Variants in SH2D2A observed in about 807,000 individuals in gnomAD.
The protein encoded by SH2D2A is SH2 domain containing 2A.
SH2D2A carries 33 observed loss-of-function variants against 43.6 expected under a neutral mutation model. The ratio of observed to expected loss-of-function variants is 0.76; its 90% CI spans 0.57 to 1.01. SH2D2A has a LOEUF of 1.01. Among genes scored for constraint, SH2D2A ranks in the 50% least tolerant of loss-of-function variants. The pLI is 0.00. For missense variants in SH2D2A, 491 were observed against 503.1 expected (o/e 0.98, Z 0.23); for synonymous variants, 212 against 206.1 (o/e 1.03, Z -0.25).
chr1:156,809,872 G>A lies in SH2D2A; in HGVS notation c.568-65C>T. The A allele has an allele frequency of 3.2e-6, 5 of 1,579,788 alleles. No homozygotes were observed. Among genetic ancestry groups the A allele is most frequent in the Admixed American group, 1.8e-5 (1 of 54,954 alleles). ...GTTGGGGTGGGGGAGGTGATCAGGA[G>A]GACAAAATAATCCAGTCTAAGTGGA... is the stretch of plus-strand genomic sequence containing the variant. On this transcript the variant is annotated intron_variant, in intron 5 of 8. Coordinates refer to ENST00000368199, the MANE Select transcript of SH2D2A (RefSeq NM_003975.4). This position sits in a 1 kb window ranked among gnomAD's most constrained non-coding sequence, Gnocchi z 4.8.
intron 5 of SH2D2A, 47 bp downstream of exon 5, chr1:156,813,801 G>T (rs766250951): frequency 7.4e-7 from 1 of 1,353,038 alleles, no homozygotes; most frequent in Admixed American, 3.5e-5. Flanking sequence ...CGGGAGGGGC[G>T]CTGGCCCGAG....
Position 156,813,957 on chromosome 1 carries a change from A to G in SH2D2A, c.458T>C (p.Val153Ala). Reference protein sequence around the residue: ...LAQLRDGRHVVLGEDSAHARL... With the variant: ...LAQLRDGRHVALGEDSAHARL... ...CGCGTGGGCGCTGTCCTCGCCCAGC[A>G]CCACGTGGCGCCCGTCCCTGAGCTG... Residue 153 changes from valine to alanine, a missense_variant, in exon 5 of 9, where the codon GTG (valine) becomes GCG (alanine). Transcript: ENST00000368199. 1 of 1,533,110 alleles carries G rather than the reference A, an allele frequency of 6.5e-7. No individual in the cohort carries two copies. The allele number at this position is 1,533,110 out of a possible 1,614,324, so 95.0% of individuals were successfully genotyped here.
intron 2 of SH2D2A, chr1:156,815,713 C>T: frequency 1.7e-6 from 2 of 1,145,790 alleles, no homozygotes; most frequent in East Asian, 2.4e-5. Flanking sequence ...GTCACTGACA[C>T]AGAGTGCAGA....
In SH2D2A at chr1:156,814,195, C is replaced by T. The variant is rs374512759; in HGVS notation, c.398+10G>A. The stretch of plus-strand genomic sequence containing the variant: ...CCTTGTGTCGCCCGGCGCGGGGCCT[C>T]GCCCCTCACCTGTAAGTCAGCACGA... On this transcript the variant is annotated intron_variant, in intron 4 of 8. Coordinates refer to ENST00000368199, the MANE Select transcript of SH2D2A (RefSeq NM_003975.4). 3.7e-6 allele frequency: 6 copies of T among 1,612,846 alleles called. No homozygotes were observed. Among genetic ancestry groups the T allele is most frequent in the Middle Eastern group, 1.6e-4 (1 of 6,072 alleles).
intron 2 of SH2D2A, chr1:156,815,679 A>T: frequency 1.2e-6 from 1 of 859,098 alleles, no homozygotes; most frequent in Non-Finnish European, 2.0e-6. Flanking sequence ...CTGAGACGGG[A>T]ATGTGGAATG....
At chr1:156,811,023 G>A (rs117302427) in intron 5 of SH2D2A, among the ~76,000 whole-genome samples, 15 of 152,106 alleles carry the variant, frequency 9.9e-5, no homozygotes, top group African/African-American at 3.1e-4. Flanking sequence ...TGTCTCCATC[G>A]GGAGGTGTAC....
intron 5 of SH2D2A, among the ~76,000 whole-genome samples, chr1:156,812,110 C>T (rs1417422875): frequency 1.3e-5 from 2 of 152,076 alleles, no homozygotes; most frequent in Non-Finnish European, 2.9e-5. Context: ...TTTCACACTC[C>T]TCATCCAATC....
Position 156,815,213 on chromosome 1 carries a change from G to C in SH2D2A, c.132C>G (p.Pro44=). Residue 44 remains proline (P), a synonymous_variant, in exon 3 of 9, where the codon CCC becomes CCG. Transcript: ENST00000368199. ...CQNLGYTAAS[P]QAPEAASNTG... ...TGTTGGAGGCAGCCTCCGGGGCCTG[G>C]GGAGATGCCTGGATCAGGGAAGAGT... 1 of 1,528,640 alleles carries C rather than the reference G, an allele frequency of 6.5e-7. No homozygotes were observed. The highest frequency in any genetic ancestry group is 8.8e-7 in the Non-Finnish European group (1 of 1,135,186). The allele number at this position is 1,528,640 out of a possible 1,614,324, so 94.7% of individuals were successfully genotyped here. A position where few individuals can be genotyped will look rare whatever the true frequency, so the allele number is the denominator to read the frequency against.
rs1653294277 is a variant in SH2D2A at position 156,809,949 on chromosome 1, G to A, written c.568-142C>T. ...AAATTTGGCCTGGGCTGGGTTCCCT[G>A]GATGAGGAAGAGGGGGTGGTGACGG... On this transcript the variant is annotated intron_variant, in intron 5 of 8. Transcript: ENST00000368199. The surrounding 1 kb of genome is among the most constrained non-coding windows in gnomAD (Gnocchi z 4.8). 2 of 828,390 alleles carry A rather than the reference G, an allele frequency of 2.4e-6. No homozygotes were observed. The highest frequency in any genetic ancestry group is 5.2e-5 in the East Asian group (2 of 38,692). The allele number at this position is 828,390 out of a possible 1,614,324, so 51.3% of individuals were successfully genotyped here.
Position 156,809,763 on chromosome 1 carries a change from G to T in SH2D2A, c.612C>A (p.Asn204Lys). The stretch of plus-strand genomic sequence containing the variant: ...TTGGGTCCTGGCTTTTGCTTCCAAA[G>T]TTTGATTCTTCGGTCCTCAGGGAAA... ...AGLSLRTEES[N>K]FGSKSQDPNP... is the part of the protein sequence containing the mutation. The change falls in exon 6 of 9, where the codon AAC becomes AAA. Residue 204 changes from asparagine (N) to lysine (K), a missense_variant. Physicochemically the swap from Asn to Lys is moderately conservative, Grantham distance 94. Coordinates refer to ENST00000368199, the MANE Select transcript of SH2D2A (RefSeq NM_003975.4). This position sits in a 1 kb window ranked among gnomAD's most constrained non-coding sequence, Gnocchi z 4.8. 1 of 1,614,138 alleles carries T rather than the reference G, an allele frequency of 6.2e-7. No individual in the cohort carries two copies. The highest frequency in any genetic ancestry group is 2.2e-5 in the East Asian group (1 of 44,874).
Position 156,816,668 on chromosome 1 carries a change from C to T in SH2D2A, c.34+7G>A, listed in dbSNP as rs751310132. The T allele has an allele frequency of 6.2e-7, 1 of 1,602,072 alleles. No homozygotes were observed. The highest frequency in any genetic ancestry group is 8.5e-7 in the Non-Finnish European group (1 of 1,173,812). The stretch of plus-strand genomic sequence containing the variant: ...CTCCCACCCATATCCTTCAACTTCA[C>T]ACTTACCTTGGGGACATATCTGGGC... On this transcript the variant is annotated splice_region_variant and intron_variant, in intron 1 of 8. Transcript: ENST00000368199.
Position 156,809,957 on chromosome 1 carries a change from A to G in SH2D2A, c.568-150T>C. On this transcript the variant is annotated intron_variant, in intron 5 of 8. Transcript: ENST00000368199. The surrounding 1 kb of genome is among the most constrained non-coding windows in gnomAD (Gnocchi z 4.8). ...CCTGGGCTGGGTTCCCTGGATGAGG[A>G]AGAGGGGGTGGTGACGGCAGGGAGA... The G allele has an allele frequency of 1.3e-6, 1 of 766,946 alleles. No homozygotes were observed. Among genetic ancestry groups the G allele is most frequent in the Middle Eastern group, 2.6e-4 (1 of 3,874 alleles). The allele number at this position is 766,946 out of a possible 1,614,324, so 47.5% of individuals were successfully genotyped here. A position where few individuals can be genotyped will look rare whatever the true frequency, so the allele number is the denominator to read the frequency against.
At chr1:156,816,118 G>T in intron 1 of SH2D2A, 24 bp from the exon 2 acceptor site, 1 of 1,600,940 alleles carries the variant, frequency 6.2e-7, no homozygotes, top group Non-Finnish European at 8.5e-7. Context: ...GAGGGCTGCC[G>T]GGGTTTCTCA....
intron 5 of SH2D2A, 80 bp downstream of exon 5, chr1:156,813,768 G>A: frequency 7.7e-7 from 1 of 1,293,598 alleles, no homozygotes; most frequent in South Asian, 2.0e-5. Context: ...GCCTGGTGCC[G>A]CGTCCTGCGC....
In SH2D2A at chr1:156,809,364, T is replaced by A; in HGVS notation, c.841A>T (p.Asn281Tyr). Residue 281 changes from asparagine to tyrosine, a missense_variant, in exon 7 of 9, where the codon AAT becomes TAT. By Grantham distance (143) the Asn-to-Tyr change is moderately radical. Transcript: ENST00000368199. This position sits in a 1 kb window ranked among gnomAD's most constrained non-coding sequence, Gnocchi z 4.8. ...PRPKPSNPIY[N>Y]EPDEPIAFYA... ...AAAGCTATGGGTTCATCAGGCTCATTGTAGATAGGATTGGAGGGCTTGGGG... is the reference window on the plus strand; with the variant it reads ...AAAGCTATGGGTTCATCAGGCTCATAGTAGATAGGATTGGAGGGCTTGGGG... 6.2e-7 allele frequency: 1 copy of A among 1,613,918 alleles called. No homozygotes were observed. The highest frequency in any genetic ancestry group is 8.5e-7 in the Non-Finnish European group (1 of 1,179,956).
chr1:156,816,136 ACTATGTCTGT>A, intron 1 of SH2D2A, 42 bp from the exon 2 acceptor site: 1 of 1,581,564 alleles, frequency 6.3e-7, no homozygotes, highest in Admixed American at 1.8e-5. Flanking sequence ...TCAGAGAGGA[ACTATGTCTGT>A]CTCTGCCTCC....
In SH2D2A at chr1:156,815,144, G is replaced by A. The variant is rs1376262624; in HGVS notation, c.201C>T (p.Ser67=). Residue 67 remains serine (S), a synonymous_variant, in exon 3 of 9, where the codon AGC becomes AGT. Transcript: ENST00000368199. The part of the protein sequence containing the change: ...ERAEEVPGEG[S]LFLQAETRAW... ...CCCGGGTCTCGGCCTGCAGGAACAG[G>A]CTTCCTTCTCCAGGCACCTCCTCTG... The A allele has an allele frequency of 5.0e-6, 8 of 1,607,996 alleles. No homozygotes were observed. Among genetic ancestry groups the A allele is most frequent in the Non-Finnish European group, 6.8e-6 (8 of 1,177,492 alleles).
intron 7 of SH2D2A, among the ~76,000 whole-genome samples, chr1:156,808,119 T>G (rs1240263148): frequency 2.6e-4 from 40 of 152,132 alleles, no homozygotes; most frequent in African/African-American, 9.4e-4. Flanking sequence ...GCCACTGCAC[T>G]CCAGCCTGGG....
Position 156,809,403 on chromosome 1 carries a change from G to T in SH2D2A, c.802C>A (p.Arg268Ser). 1 of 1,613,892 alleles carries T rather than the reference G, an allele frequency of 6.2e-7. No individual in the cohort carries two copies. The highest frequency in any genetic ancestry group is 8.5e-7 in the Non-Finnish European group (1 of 1,179,996). ...EVYTIPVPRH[R>S]PAPRPKPSNP... ...GAGGGCTTGGGGCGTGGGGCCGGGC[G>T]GTGTCGTGGAACAGGGATTGTGTAG... The change falls in exon 7 of 9, where the codon CGC (arginine) becomes AGC (serine). Residue 268 changes from arginine to serine, a missense_variant. Arg to Ser is a moderately radical substitution (Grantham distance 110). Transcript: ENST00000368199. This position sits in a 1 kb window ranked among gnomAD's most constrained non-coding sequence, Gnocchi z 4.8.
Sources: gnomAD v4.1 joint callset for allele counts (sites outside exome capture counted in the v4.1 genomes callset) on GRCh38, gnomAD v4.1.1 for gene constraint, Gnocchi (gnomAD v3.1) non-coding constraint, MANE v1.5 for transcripts, NCBI Gene and HGNC (gene_info 2026-07-23, HGNC 2026-07-21) for gene names.